The following FAM185A variants were observed in gnomAD, a reference collection of about 807,000 sequenced individuals.
FAM185A encodes family with sequence similarity 185 member A, also known as protein FAM185A.
FAM185A carries 21 observed loss-of-function variants against 45.7 expected under a neutral mutation model. That is an observed-to-expected ratio of 0.46 (90% CI 0.33 to 0.66). The LOEUF (loss-of-function observed/expected upper bound fraction) is 0.66. FAM185A is among the 30% of genes least tolerant of loss of function. The pLI, the probability that FAM185A is intolerant of heterozygous loss-of-function variation, is 0.03. For missense variants in FAM185A, 305 were observed against 485.4 expected, an observed-to-expected ratio of 0.63 and a Z score of 3.49; for synonymous variants, 117 against 194.0, an observed-to-expected ratio of 0.60 and a Z score of 3.30.
At chr7:102,763,892 C>T (rs1161674768) in intron 4 of FAM185A, among the ~76,000 whole-genome samples, 2 of 152,204 alleles carry the variant, frequency 1.3e-5, no homozygotes, top group Non-Finnish European at 2.9e-5. Context: ...GAGGTGAAAC[C>T]TGTCGTTAAA....
chr7:102,794,837 C>G (rs1226291737), intron 7 of FAM185A, among the ~76,000 whole-genome samples: 1 of 152,182 alleles, frequency 6.6e-6, no homozygotes, highest in Non-Finnish European at 1.5e-5. Flanking sequence ...AGGGAACAAT[C>G]TGTTGATGTA....
chr7:102,797,352 A>G (rs1009339710), intron 7 of FAM185A, among the ~76,000 whole-genome samples: 36 of 151,532 alleles, frequency 2.4e-4, no homozygotes, highest in Admixed American at 1.8e-3. Flanking sequence ...AGTCCCAGCT[A>G]CTCGGGAGGC....
chr7:102,809,719 TAAAC>T (rs1007106004), downstream of FAM185A, among the ~76,000 whole-genome samples: 11 of 151,982 alleles, frequency 7.2e-5, no homozygotes, highest in Admixed American at 6.6e-5. Context: ...TTAATTAAAA[TAAAC>T]AAATAAGTTA....
the FAM185A span, among the ~76,000 whole-genome samples, chr7:102,819,240 G>T: frequency 7.1e-3 from 1,084 of 152,162 alleles, 18 homozygotes; most frequent in African/African-American, 0.025. Context: ...TGTCACAGCT[G>T]CTTCAAATAC....
intron 6 of FAM185A, among the ~76,000 whole-genome samples, chr7:102,784,734 T>C (rs372244235): frequency 1.3e-5 from 2 of 150,574 alleles, no homozygotes; most frequent in Admixed American, 1.3e-4. Flanking sequence ...TCATACTGAA[T>C]GGGCAAAAAC....
intron 7 of FAM185A, among the ~76,000 whole-genome samples, chr7:102,798,183 G>C (rs1465080596): frequency 6.6e-6 from 1 of 152,090 alleles, no homozygotes; most frequent in South Asian, 2.1e-4. Flanking sequence ...CTTGGTCAAA[G>C]AAACAGTGTG....
the FAM185A span, among the ~76,000 whole-genome samples, chr7:102,844,269 G>A: frequency 6.6e-6 from 1 of 152,124 alleles, no homozygotes; most frequent in Non-Finnish European, 1.5e-5. Flanking sequence ...GTTTGGGTTT[G>A]GAGAACAATG....
At chr7:102,785,443 C>T (rs1275248687) in intron 6 of FAM185A, among the ~76,000 whole-genome samples, 4 of 151,994 alleles carry the variant, frequency 2.6e-5, no homozygotes, top group African/African-American at 9.7e-5. Flanking sequence ...TACAAGGCTA[C>T]AGTAACCAAA....
chr7:102,772,965 GACA>G (rs978433787), intron 5 of FAM185A, among the ~76,000 whole-genome samples: 1 of 152,058 alleles, frequency 6.6e-6, no homozygotes, highest in Non-Finnish European at 1.5e-5. Context: ...TGGGAAGAAA[GACA>G]ACAAGCACAT....
downstream of FAM185A, among the ~76,000 whole-genome samples, chr7:102,812,752 A>G (rs776413674): frequency 1.5e-4 from 23 of 152,044 alleles, no homozygotes; most frequent in African/African-American, 4.8e-4. Context: ...GTTGTTTCAT[A>G]TAACTGTAGA....
At chr7:102,818,996 CATCT>C in the FAM185A span, among the ~76,000 whole-genome samples, 10 of 152,208 alleles carry the variant, frequency 6.6e-5, no homozygotes, top group African/African-American at 2.2e-4. Flanking sequence ...TGTTCCCATC[CATCT>C]GTCCATGTGT....
chr7:102,823,955 G>GA, the FAM185A span, among the ~76,000 whole-genome samples: 134 of 149,550 alleles, frequency 9.0e-4, 1 homozygote, highest in Admixed American at 1.5e-3. Flanking sequence ...ATTGATAAAA[G>GA]AAAAAAAAAG....
chr7:102,843,604 G>A, the FAM185A span, among the ~76,000 whole-genome samples: 18 of 151,722 alleles, frequency 1.2e-4, no homozygotes, highest in Admixed American at 7.9e-4. Flanking sequence ...GCGAAACCCC[G>A]TCTCTACGAA....
chr7:102,799,625 T>C (rs1014802077), intron 7 of FAM185A, among the ~76,000 whole-genome samples: 2 of 152,180 alleles, frequency 1.3e-5, no homozygotes, highest in Non-Finnish European at 2.9e-5. Context: ...ATCACAACTC[T>C]CCTCAGTTCA....
intron 2 of FAM185A, among the ~76,000 whole-genome samples, chr7:102,752,577 A>ATTT (rs59425139): frequency 1.4e-4 from 20 of 140,282 alleles, no homozygotes; most frequent in African/African-American, 1.3e-4. Context: ...GCTGTAATTA[A>ATTT]TTTTTTTTTT....
intron 5 of FAM185A, among the ~76,000 whole-genome samples, chr7:102,773,350 A>ATAATTTATATT (rs1279565854): frequency 1.3e-5 from 2 of 151,954 alleles, no homozygotes; most frequent in Non-Finnish European, 2.9e-5. Flanking sequence ...GAAGTGATAT[A>ATAATTTATATT]TAATTTATAT....
intron 5 of FAM185A, among the ~76,000 whole-genome samples, chr7:102,776,099 T>TACACACACACACACACATATACACAC (rs1360377462): frequency 4.7e-5 from 5 of 106,658 alleles, no homozygotes; most frequent in Admixed American, 1.7e-4. Flanking sequence ...TTGGCTCCTA[T>TACACACACACACACACATATACACAC]ACACACACAC....
chr7:102,837,978 A>T, the FAM185A span, among the ~76,000 whole-genome samples: 2 of 152,254 alleles, frequency 1.3e-5, no homozygotes, highest in Admixed American at 1.3e-4. Flanking sequence ...TTAGTTCAAG[A>T]TGAGAGAGTA....
intron 6 of FAM185A, among the ~76,000 whole-genome samples, chr7:102,783,369 A>C (rs1415425480): frequency 6.6e-6 from 1 of 152,110 alleles, no homozygotes; most frequent in Non-Finnish European, 1.5e-5. Flanking sequence ...ACCACACCGC[A>C]CTTATTCCAA....
Sources: gnomAD v4.1 joint callset for allele counts (sites outside exome capture counted in the v4.1 genomes callset) on GRCh38, gnomAD v4.1.1 for gene constraint, MANE v1.5 for transcripts, NCBI Gene and HGNC (gene_info 2026-07-23, HGNC 2026-07-21) for gene names.